Variants in CNTNAP2 observed in about 807,000 individuals in gnomAD.
CNTNAP2 encodes contactin-associated protein-like 2.
A neutral mutation model predicts 155.2 loss-of-function variants in CNTNAP2; 98 were observed. The observed-to-expected ratio is 0.63, with a 90% CI of 0.54 to 0.75. The LOEUF is 0.75. Ranked by LOEUF, CNTNAP2 falls within the 30% of genes least tolerant of loss-of-function variation. CNTNAP2 has a pLI of 0.00. For synonymous variants in CNTNAP2, 651 were observed against 631.2 expected, an observed-to-expected ratio of 1.03 and a Z score of -0.47; for missense variants, 1,727 against 1,688.1, an observed-to-expected ratio of 1.02 and a Z score of -0.40.
chr7:148,007,127 A>C (rs564406043), intron 15 of CNTNAP2, among the ~76,000 whole-genome samples: 7 of 152,228 alleles, frequency 4.6e-5, no homozygotes, highest in Non-Finnish European at 1.0e-4. Flanking sequence ...TGCTTTACGC[A>C]TTTCATTATT....
intron 1 of CNTNAP2, among the ~76,000 whole-genome samples, chr7:146,190,250 G>A (rs560173090): frequency 1.2e-4 from 18 of 152,244 alleles, no homozygotes; most frequent in Non-Finnish European, 2.4e-4. Flanking sequence ...TGCAAACCAA[G>A]GAGATAAGCA....
At chr7:147,379,635 T>C (rs1210395122) in intron 9 of CNTNAP2, among the ~76,000 whole-genome samples, 1 of 152,024 alleles carries the variant, frequency 6.6e-6, no homozygotes, top group Non-Finnish European at 1.5e-5. Context: ...GAATCATCAT[T>C]TTTTTTGGAA....
chr7:148,312,725 A>G (rs1020982384), intron 21 of CNTNAP2, among the ~76,000 whole-genome samples: 3 of 152,198 alleles, frequency 2.0e-5, no homozygotes, highest in African/African-American at 7.2e-5. Context: ...TATAGGCTTT[A>G]AAAGGCCATG....
intron 10 of CNTNAP2, among the ~76,000 whole-genome samples, chr7:147,453,452 TG>T (rs1217016617): frequency 6.6e-6 from 1 of 152,172 alleles, no homozygotes; most frequent in Non-Finnish European, 1.5e-5. Context: ...AGTCAGGAAA[TG>T]GTCTCAGCAC....
chr7:146,333,770 T>C (rs1255862743), intron 1 of CNTNAP2, among the ~76,000 whole-genome samples: 1 of 152,200 alleles, frequency 6.6e-6, no homozygotes, highest in African/African-American at 2.4e-5. Flanking sequence ...TTCAAAGCAA[T>C]AATTCAAAGA....
At chr7:147,646,828 T>G (rs1323952621) in intron 13 of CNTNAP2, among the ~76,000 whole-genome samples, 1 of 152,236 alleles carries the variant, frequency 6.6e-6, no homozygotes, top group Non-Finnish European at 1.5e-5. Flanking sequence ...TCTTCCCATG[T>G]ACTCAGGAGC....
chr7:147,047,108 T>TTC (rs1354186096), intron 4 of CNTNAP2, among the ~76,000 whole-genome samples: 26 of 138,340 alleles, frequency 1.9e-4, no homozygotes, highest in African/African-American at 6.1e-4. Flanking sequence ...TATGTTTCTT[T>TTC]TTTTTTTTTT....
chr7:146,582,335 T>C (rs1359051195), intron 1 of CNTNAP2, among the ~76,000 whole-genome samples: 1 of 152,146 alleles, frequency 6.6e-6, no homozygotes, highest in African/African-American at 2.4e-5. Context: ...GGTTGGGTTT[T>C]CTCAAGAGGA....
intron 1 of CNTNAP2, among the ~76,000 whole-genome samples, chr7:146,507,771 G>A (rs1169831954): frequency 2.0e-5 from 3 of 152,160 alleles, no homozygotes; most frequent in Admixed American, 2.0e-4. Context: ...AAGAGAATCA[G>A]AGGTTAACAT....
At chr7:148,058,078 G>T (rs1167056891) in intron 15 of CNTNAP2, among the ~76,000 whole-genome samples, 2 of 151,564 alleles carry the variant, frequency 1.3e-5, no homozygotes, top group East Asian at 3.9e-4. Flanking sequence ...ATCCTGCTAA[G>T]AAGTACTTAA....
At chr7:147,129,063 C>T (rs776308113) in intron 7 of CNTNAP2, among the ~76,000 whole-genome samples, 5 of 152,186 alleles carry the variant, frequency 3.3e-5, no homozygotes, top group South Asian at 2.1e-4. Flanking sequence ...TTTATTCCCA[C>T]GGAGCACAGA....
chr7:147,634,077 C>A (rs925971017), intron 12 of CNTNAP2, among the ~76,000 whole-genome samples: 1 of 152,112 alleles, frequency 6.6e-6, no homozygotes, highest in African/African-American at 2.4e-5. Context: ...GTAGAGCTAC[C>A]ATTTGATCCA....
At chr7:148,122,698 A>G (rs1316900943) in intron 16 of CNTNAP2, among the ~76,000 whole-genome samples, 1 of 152,142 alleles carries the variant, frequency 6.6e-6, no homozygotes, top group African/African-American at 2.4e-5. Flanking sequence ...AAGCCAGACA[A>G]CCAGCCATGG....
chr7:146,996,945 A>G lies in CNTNAP2; in HGVS notation c.403-46962A>G, dbSNP rs898360975. ...CAATATCTGACAGTTTTATAAGGGGAGGCTCCTTTCGCTTGGCTCTCATTC... is the reference window on the plus strand; with the variant it reads ...CAATATCTGACAGTTTTATAAGGGGGGGCTCCTTTCGCTTGGCTCTCATTC... On this transcript the variant is annotated intron_variant, in intron 3 of 23. Coordinates refer to ENST00000361727, the MANE Select transcript of CNTNAP2 (RefSeq NM_014141.6). Among the ~76,000 whole-genome samples, 4 of 152,176 alleles carry G rather than the reference A, an allele frequency of 2.6e-5. No homozygotes were observed. In the South Asian group the frequency reaches 8.3e-4, roughly 32 times the overall value.
intron 8 of CNTNAP2, among the ~76,000 whole-genome samples, chr7:147,260,743 T>G (rs1020427762): frequency 6.6e-6 from 1 of 152,166 alleles, no homozygotes; most frequent in African/African-American, 2.4e-5. Flanking sequence ...TCCTAATTAT[T>G]TAGTTGAGAG....
chr7:147,660,436 C>A (rs1430003093), intron 13 of CNTNAP2, among the ~76,000 whole-genome samples: 1 of 152,180 alleles, frequency 6.6e-6, no homozygotes, highest in Non-Finnish European at 1.5e-5. Context: ...TCACAGGAGA[C>A]CCAGTGCTCC....
chr7:146,990,587 T>C (rs1798192090), intron 3 of CNTNAP2, among the ~76,000 whole-genome samples: 1 of 152,092 alleles, frequency 6.6e-6, no homozygotes, highest in Admixed American at 6.6e-5. Flanking sequence ...TCCCCTGAGT[T>C]CCAAGTACTT....
intron 8 of CNTNAP2, among the ~76,000 whole-genome samples, chr7:147,162,919 T>G (rs1031191226): frequency 6.6e-6 from 1 of 152,160 alleles, no homozygotes; most frequent in African/African-American, 2.4e-5. Context: ...TCACGTCGGC[T>G]GGGGTTGTGT....
chr7:146,312,462 C>G (rs974868721), intron 1 of CNTNAP2, among the ~76,000 whole-genome samples: 1 of 152,106 alleles, frequency 6.6e-6, no homozygotes, highest in Non-Finnish European at 1.5e-5. Flanking sequence ...TTATGTATAT[C>G]TGTAATTACA....
Sources: gnomAD v4.1 joint callset for allele counts (sites outside exome capture counted in the v4.1 genomes callset) on GRCh38, gnomAD v4.1.1 for gene constraint, MANE v1.5 for transcripts, NCBI Gene and HGNC (gene_info 2026-07-23, HGNC 2026-07-21) for gene names.